The following ABCB1 variants were observed in gnomAD, a reference collection of about 807,000 sequenced individuals.
The protein encoded by ABCB1 is ATP binding cassette subfamily B member 1.
ABCB1 carries 69 observed loss-of-function variants against 142.0 expected under a neutral mutation model. The observed-to-expected ratio is 0.49, with a 90% CI of 0.40 to 0.59. ABCB1 has a LOEUF of 0.59. Among genes scored for constraint, ABCB1 ranks in the 20% least tolerant of loss-of-function variants. The pLI is 0.00. For synonymous variants in ABCB1, 532 were observed against 539.2 expected (o/e 0.99, Z 0.18); for missense variants, 1,326 against 1,554.7 (o/e 0.85, Z 2.47).
chr7:87,571,151 T>A (rs6950978), intron 4 of ABCB1, among the ~76,000 whole-genome samples: 115,633 of 152,196 alleles, frequency 0.76, 44,464 homozygotes, highest in African/African-American at 0.89. Context: ...TGATTTCAAC[T>A]GGTATGGAAA....
Position 87,504,583 on chromosome 7 carries a change from C to T in ABCB1, c.3637-134G>A, listed in dbSNP as rs563372274. On this transcript the variant is annotated intron_variant, in intron 27 of 27. Coordinates refer to ENST00000622132, the MANE Select transcript of ABCB1 (RefSeq NM_001348946.2). ...CAGCACTTTGGGAGGCCAAGGCGGG[C>T]AGATCACAAGGTCAGATTGAGACCA... 2.7e-5 allele frequency: 32 copies of T among 1,183,650 alleles called. 1 individual carries two copies. In the South Asian group the frequency reaches 3.0e-4, roughly 11 times the overall value. The allele number at this position is 1,183,650 out of a possible 1,614,324, so 73.3% of individuals were successfully genotyped here. A position where few individuals can be genotyped will look rare whatever the true frequency, so the allele number is the denominator to read the frequency against.
chr7:87,508,949 C>T (rs1179634157), intron 26 of ABCB1, among the ~76,000 whole-genome samples: 1 of 152,152 alleles, frequency 6.6e-6, no homozygotes, highest in Non-Finnish European at 1.5e-5. Flanking sequence ...TGTACTTACC[C>T]CTAAGGCTGA....
At chr7:87,579,790 G>C (rs555740567) in intron 4 of ABCB1, among the ~76,000 whole-genome samples, 1 of 151,882 alleles carries the variant, frequency 6.6e-6, no homozygotes, top group Admixed American at 6.5e-5. Context: ...TTAATGTCTT[G>C]CTTTTAATTT....
chr7:87,609,978 G>A (rs765959047), intron 1 of ABCB1, among the ~76,000 whole-genome samples: 5 of 152,110 alleles, frequency 3.3e-5, no homozygotes, highest in Admixed American at 6.5e-5. Context: ...TGAGGCTAAC[G>A]GTAGTGTAGA....
rs1334153891 is a variant in ABCB1 at position 87,509,441 on chromosome 7, C to T, written c.3323G>A (p.Trp1108Ter). 6.2e-7 allele frequency: 1 copy of T among 1,614,054 alleles called. No individual in the cohort carries two copies. Among genetic ancestry groups the T allele is most frequent in the Non-Finnish European group, 8.5e-7 (1 of 1,180,050 alleles). ...CACGATGCCCAGGTGTGCTCGGAGCCACTGAACATTCAGTCGCTTTATTTC... is the reference window on the plus strand; with the variant it reads ...CACGATGCCCAGGTGTGCTCGGAGCTACTGAACATTCAGTCGCTTTATTTC... ...GKEIKRLNVQWLRAHLGIVSQ... is the reference protein window; with the variant it reads ...GKEIKRLNVQ The change falls in exon 26 of 28, where the codon TGG becomes TAG. Residue 1108 changes from tryptophan (W) to a stop codon, truncating the protein, a stop_gained. Coordinates refer to ENST00000622132, the MANE Select transcript of ABCB1 (RefSeq NM_001348946.2). LOFTEE classifies it high-confidence loss of function.
intron 1 of ABCB1, among the ~76,000 whole-genome samples, chr7:87,636,604 G>C (rs2130248047): frequency 6.6e-6 from 1 of 152,268 alleles, no homozygotes; most frequent in South Asian, 2.1e-4. Flanking sequence ...AATGCTTACT[G>C]TAATGTCTTT....
chr7:87,527,568 G>A lies in ABCB1; in HGVS notation c.2685+3726C>T, dbSNP rs369205605. 5.3e-5 allele frequency among the ~76,000 whole-genome samples: 8 copies of A among 152,138 alleles called. No homozygotes were observed. The East Asian group carries it at 1.5e-3, about 29-fold the overall frequency. ...GTCATGACTTTTCTCTGCTTGTTGG[G>A]AGCACTTCCAGCAACACTAGTGTCA... On this transcript the variant is annotated intron_variant, in intron 21 of 27. Coordinates refer to ENST00000622132, the MANE Select transcript of ABCB1 (RefSeq NM_001348946.2).
chr7:87,675,814 A>T (rs764004493), intron 1 of ABCB1, among the ~76,000 whole-genome samples: 7 of 152,096 alleles, frequency 4.6e-5, no homozygotes, highest in African/African-American at 1.7e-4. Context: ...ACTAAAAGAA[A>T]ATATAGGGGA....
chr7:87,675,902 A>G (rs1431036331), intron 1 of ABCB1, among the ~76,000 whole-genome samples: 1 of 152,182 alleles, frequency 6.6e-6, no homozygotes, highest in Non-Finnish European at 1.5e-5. Context: ...GAAAAGATAA[A>G]TAAGTGGAAC....
At chr7:87,663,769 T>C (rs1175501038) in intron 1 of ABCB1, among the ~76,000 whole-genome samples, 1 of 152,150 alleles carries the variant, frequency 6.6e-6, no homozygotes, top group Non-Finnish European at 1.5e-5. Context: ...TTCTCAGTTC[T>C]GGAGGATGAG....
At chr7:87,650,536 G>A (rs1300154238) in intron 1 of ABCB1, among the ~76,000 whole-genome samples, 1 of 151,942 alleles carries the variant, frequency 6.6e-6, no homozygotes, top group Non-Finnish European at 1.5e-5. Context: ...CCTCCCAAAG[G>A]CACCCACCCT....
chr7:87,630,957 A>T (rs1463412624), intron 1 of ABCB1, among the ~76,000 whole-genome samples: 2 of 152,162 alleles, frequency 1.3e-5, no homozygotes, highest in African/African-American at 4.8e-5. Context: ...AGCTCTCTGT[A>T]TTAGTTGTAT....
intron 1 of ABCB1, among the ~76,000 whole-genome samples, chr7:87,626,196 A>G (rs1489427422): frequency 4.5e-5 from 5 of 111,362 alleles, no homozygotes; most frequent in Non-Finnish European, 7.3e-5. Flanking sequence ...TGTGTCATAT[A>G]TATGTCATAT....
At chr7:87,603,114 C>T (rs1039007595), upstream of ABCB1, 5 of 152,200 alleles carry the variant, frequency 3.3e-5, no homozygotes, top group African/African-American at 1.2e-4. Context: ...AGATTTGCCT[C>T]TCTGCTGCAG....
At chr7:87,566,040 T>C in intron 7 of ABCB1, 30 bp downstream of exon 7, 1 of 1,613,882 alleles carries the variant, frequency 6.2e-7, no homozygotes, top group Non-Finnish European at 8.5e-7. Flanking sequence ...AAGGTGCAGT[T>C]CAAAATCTGG....
chr7:87,545,935 G>A lies in ABCB1; in HGVS notation c.1815C>T (p.Val605=). 2 of 1,614,092 alleles carry A rather than the reference G, an allele frequency of 1.2e-6. No individual in the cohort carries two copies. Among genetic ancestry groups the A allele is most frequent in the Non-Finnish European group, 1.7e-6 (2 of 1,179,998 alleles). The change falls in exon 15 of 28, where the codon GTC becomes GTT. Residue 605 remains valine (V), a synonymous_variant. Transcript: ENST00000622132. ...CATCATGATTTCCTTTCTCCACAAT[G>A]ACTCCATCATCGAAACCAGCGATGA... ...ADVIAGFDDG[V]IVEKGNHDEL... is the part of the protein sequence containing the mutation.
At chr7:87,710,576 G>T in intron 1 of ABCB1, 1 of 1,572,596 alleles carries the variant, frequency 6.4e-7, no homozygotes, top group South Asian at 1.2e-5. Flanking sequence ...TTAGGGTAGA[G>T]CCTGGATCAG....
At chr7:87,509,571 C>G in intron 25 of ABCB1, 90 bp from the exon 26 acceptor site, 1 of 1,364,118 alleles carries the variant, frequency 7.3e-7, no homozygotes, top group Non-Finnish European at 1.0e-6. Flanking sequence ...CTGAAACTGC[C>G]AAGTTACTGT....
At chr7:87,656,885 T>C (rs953660025) in intron 1 of ABCB1, among the ~76,000 whole-genome samples, 7 of 152,318 alleles carry the variant, frequency 4.6e-5, no homozygotes, top group Non-Finnish European at 8.8e-5. Context: ...ATTTATTCAA[T>C]TGTATTTATT....
Sources: allele counts gnomAD v4.1 joint callset (sites outside exome capture counted in the v4.1 genomes callset), GRCh38; gene constraint gnomAD v4.1.1; transcripts MANE v1.5; gene names NCBI Gene and HGNC (gene_info 2026-07-23, HGNC 2026-07-21).